Variants in PHLDB2 observed in about 807,000 individuals in gnomAD.
PHLDB2 encodes pleckstrin homology like domain family B member 2.
A neutral mutation model predicts 123.6 loss-of-function variants in PHLDB2; 71 were observed. The observed-to-expected ratio is 0.57, with a 90% CI of 0.47 to 0.70. The LOEUF (loss-of-function observed/expected upper bound fraction) is 0.70. Among genes scored for constraint, PHLDB2 ranks in the 30% least tolerant of loss-of-function variants. The pLI is 0.00. For synonymous variants in PHLDB2, 547 were observed against 541.6 expected (o/e 1.01, Z -0.14); for missense variants, 1,446 against 1,519.5 (o/e 0.95, Z 0.80).
At chr3:111,752,437 C>T (rs1458901066) in intron 1 of PHLDB2, among the ~76,000 whole-genome samples, 2 of 152,000 alleles carry the variant, frequency 1.3e-5, no homozygotes, top group Non-Finnish European at 2.9e-5. Flanking sequence ...TATTTTATTA[C>T]TTGACATTTT....
chr3:111,902,389 T>C (rs1398834348), intron 2 of PHLDB2, among the ~76,000 whole-genome samples: 2 of 152,134 alleles, frequency 1.3e-5, no homozygotes, highest in South Asian at 2.1e-4. Flanking sequence ...GCCCAGGAGA[T>C]TGAGGCTACA....
At chr3:111,926,335 T>A (rs967175050) in intron 5 of PHLDB2, among the ~76,000 whole-genome samples, 1 of 152,214 alleles carries the variant, frequency 6.6e-6, no homozygotes, top group Non-Finnish European at 1.5e-5. Flanking sequence ...AGAAAGACAG[T>A]GAGCCTAGCC....
intron 1 of PHLDB2, among the ~76,000 whole-genome samples, chr3:111,777,641 T>G (rs970483236): frequency 7.9e-5 from 12 of 152,058 alleles, no homozygotes; most frequent in African/African-American, 2.7e-4. Context: ...TGTGCCACAT[T>G]TTTTTTCTTC....
At position 111,940,571 on chromosome 3, in the gene PHLDB2, AT is replaced by A; in HGVS notation, c.2325del (p.Ile775MetfsTer13). 6.2e-7 allele frequency: 1 copy of A among 1,602,744 alleles called. No homozygotes were observed. Among genetic ancestry groups the A allele is most frequent in the South Asian group, 1.1e-5 (1 of 88,148 alleles). On this transcript the variant is annotated frameshift_variant, in exon 8 of 18. Coordinates refer to ENST00000431670, the MANE Select transcript of PHLDB2 (RefSeq NM_001134438.2). LOFTEE classifies it high-confidence loss of function. ...ISALKKQANH[I>X]VQQAQREQDH... ...TGCATTGAAAAAGCAAGCCAATCACATTGTTCAGCAGGCTCAGAGAGAGCAA... is the reference window on the plus strand; with the variant it reads ...TGCATTGAAAAAGCAAGCCAATCACATGTTCAGCAGGCTCAGAGAGAGCAA...
chr3:111,939,217 CAG>C (rs992395539), intron 6 of PHLDB2, among the ~76,000 whole-genome samples: 20 of 2,622 alleles, frequency 7.6e-3, no homozygotes, highest in Admixed American at 0.016. Context: ...TAAAGCCACC[CAG>C]TGTGGGTTTA....
At chr3:111,973,251 C>T (rs715760) in intron 16 of PHLDB2, among the ~76,000 whole-genome samples, 15 of 151,558 alleles carry the variant, frequency 9.9e-5, no homozygotes, top group African/African-American at 3.6e-4. Context: ...GGAAAAATCA[C>T]GCACCCTGAA....
intron 2 of PHLDB2, among the ~76,000 whole-genome samples, chr3:111,894,968 C>T (rs1270802034): frequency 6.7e-6 from 1 of 150,000 alleles, no homozygotes; most frequent in Admixed American, 6.7e-5. Context: ...ATGTGTGGGT[C>T]TGTATGTGTG....
At chr3:111,874,962 A>C (rs771542652) in intron 1 of PHLDB2, among the ~76,000 whole-genome samples, 8 of 152,192 alleles carry the variant, frequency 5.3e-5, no homozygotes, top group Non-Finnish European at 7.3e-5. Flanking sequence ...TTCAGCAAAC[A>C]TCTAGAGACT....
At chr3:111,867,858 T>G (rs1191148239) in intron 1 of PHLDB2, among the ~76,000 whole-genome samples, 1 of 151,962 alleles carries the variant, frequency 6.6e-6, no homozygotes, top group Non-Finnish European at 1.5e-5. Flanking sequence ...TGTGCCGCCA[T>G]GCCTGGCTAA....
At chr3:111,890,439 C>G (rs2066413175) in intron 2 of PHLDB2, among the ~76,000 whole-genome samples, 1 of 152,204 alleles carries the variant, frequency 6.6e-6, no homozygotes, top group South Asian at 2.1e-4. Context: ...ATTTAATTGA[C>G]TGGATAGAGT....
At chr3:111,788,970 A>T (rs2060801060) in intron 1 of PHLDB2, among the ~76,000 whole-genome samples, 1 of 152,204 alleles carries the variant, frequency 6.6e-6, no homozygotes, top group South Asian at 2.1e-4. Context: ...CAGAGGAAAA[A>T]CATTGCAAGA....
intron 6 of PHLDB2, among the ~76,000 whole-genome samples, chr3:111,936,266 C>T (rs1221454547): frequency 1.3e-5 from 2 of 152,170 alleles, no homozygotes; most frequent in Non-Finnish European, 2.9e-5. Flanking sequence ...GGCCTTTGAG[C>T]TTGCCATCCA....
rs149918462 is a variant in PHLDB2 at position 111,758,575 on chromosome 3, G to A, written c.-49+25872G>A. Among the ~76,000 whole-genome samples, 294 of 152,220 alleles carry A rather than the reference G, an allele frequency of 1.9e-3. 1 individual carries two copies. The highest frequency in any genetic ancestry group is 6.7e-3 in the African/African-American group (280 of 41,534). On this transcript the variant is annotated intron_variant, in intron 1 of 17. Coordinates refer to the PHLDB2 transcript ENST00000393923. ...CACTTCCCGAGTGAGGCAATGCCTC[G>A]CCCTGCTTCAGCTGGTGCAGTGTGC...
At chr3:111,830,407 T>A (rs1292190715) in intron 1 of PHLDB2, among the ~76,000 whole-genome samples, 1 of 151,150 alleles carries the variant, frequency 6.6e-6, no homozygotes, top group East Asian at 1.9e-4. Context: ...TTATGAGATA[T>A]CATATGGCTT....
intron 1 of PHLDB2, among the ~76,000 whole-genome samples, chr3:111,882,639 C>G (rs1285783822): frequency 6.6e-6 from 1 of 152,100 alleles, no homozygotes; most frequent in African/African-American, 2.4e-5. Context: ...GGAGAAGGAG[C>G]CCAAGGCACC....
chr3:111,870,341 T>C (rs1188643335), intron 1 of PHLDB2, among the ~76,000 whole-genome samples: 1 of 151,982 alleles, frequency 6.6e-6, no homozygotes, highest in Non-Finnish European at 1.5e-5. Flanking sequence ...TTGAGGAGGA[T>C]ATAAGAATGC....
At chr3:111,826,307 T>C (rs2062651421) in intron 1 of PHLDB2, among the ~76,000 whole-genome samples, 1 of 151,254 alleles carries the variant, frequency 6.6e-6, no homozygotes, top group Admixed American at 6.7e-5. Context: ...AGGCTTTGTC[T>C]CAAGAAAAAA....
chr3:111,737,183 C>T (rs1037681787), intron 1 of PHLDB2, among the ~76,000 whole-genome samples: 3 of 152,146 alleles, frequency 2.0e-5, no homozygotes, highest in African/African-American at 4.8e-5. Flanking sequence ...CTGAAGGGTC[C>T]GGGAGCCCTG....
chr3:111,927,597 GA>G (rs1211452496), intron 5 of PHLDB2, among the ~76,000 whole-genome samples: 1 of 152,110 alleles, frequency 6.6e-6, no homozygotes, highest in Non-Finnish European at 1.5e-5. Context: ...AGAAATACAA[GA>G]ACCTCAGGTA....
Sources: gnomAD v4.1 joint callset for allele counts (sites outside exome capture counted in the v4.1 genomes callset) on GRCh38, gnomAD v4.1.1 for gene constraint, MANE v1.5 for transcripts, NCBI Gene and HGNC (gene_info 2026-07-23, HGNC 2026-07-21) for gene names.